SEPTIN6: variants seen among roughly 807,000 people sequenced by gnomAD.
SEPTIN6 encodes the protein septin-6.
A neutral mutation model predicts 33.6 loss-of-function variants in SEPTIN6; 8 were observed. That is an observed-to-expected ratio of 0.24 (90% CI 0.14 to 0.43). The LOEUF is 0.43. Ranked by LOEUF, SEPTIN6 falls within the 20% of genes least tolerant of loss-of-function variation. The pLI is 1.00. For synonymous variants in SEPTIN6, 131 were observed against 140.0 expected (o/e 0.94, Z 0.45); for missense variants, 250 against 340.8 (o/e 0.73, Z 2.10).
intron 9 of SEPTIN6, chrX:119,629,067 T>G (rs1204982979): frequency 2.9e-6 from 1 of 343,660 alleles, no homozygotes; most frequent in Non-Finnish European, 5.1e-6. Context: ...TGCAGGGCTT[T>G]CCTGAGCAAG....
chrX:119,661,532 C>T (rs774954151), intron 3 of SEPTIN6, among the ~76,000 whole-genome samples: 2 of 112,260 alleles, frequency 1.8e-5, no homozygotes, highest in African/African-American at 6.5e-5. Flanking sequence ...AAGAATTTGA[C>T]ATAAAGTTCA....
intron 5 of SEPTIN6, among the ~76,000 whole-genome samples, chrX:119,649,275 G>A (rs2054314120): frequency 9.3e-6 from 1 of 107,217 alleles, no homozygotes; most frequent in South Asian, 4.2e-4. Flanking sequence ...GTATTTTTTA[G>A]TAGAGACGGG....
chrX:119,620,020 C>T lies in SEPTIN6; in HGVS notation c.*73G>A, dbSNP rs751811611. On this transcript the variant is annotated 3_prime_UTR_variant, in exon 11 of 11. Coordinates refer to ENST00000394610, the MANE Select transcript of SEPTIN6 (RefSeq NM_145799.4). The stretch of plus-strand genomic sequence containing the variant: ...GAGAAAGGGAGGCCCAGCTCTGTTG[C>T]GCAGGAAAAGGGTGTCTACAGGAAG... The T allele has an allele frequency of 1.3e-5, 16 of 1,202,834 alleles. No individual in the cohort carries two copies. The highest frequency in any genetic ancestry group is 2.2e-5 in the Admixed American group (1 of 44,972).
chrX:119,665,479 T>C (rs1354780899), intron 2 of SEPTIN6, among the ~76,000 whole-genome samples: 1 of 111,964 alleles, frequency 8.9e-6, no homozygotes, highest in Non-Finnish European at 1.9e-5. Flanking sequence ...TAAGTCAAAC[T>C]GTTGGAATTT....
chrX:119,624,173 G>GTTTTTTTTTTTTTTTTT, intron 10 of SEPTIN6: 1 of 195,775 alleles, frequency 5.1e-6, no homozygotes, highest in Admixed American at 5.6e-5. Context: ...TTTTTTGTTT[G>GTTTTTTTTTTTTTTTTT]TTTGTTTGTT....
At chrX:119,626,255 G>C (rs976996235) in intron 9 of SEPTIN6, among the ~76,000 whole-genome samples, 1 of 111,736 alleles carries the variant, frequency 8.9e-6, no homozygotes, top group Non-Finnish European at 1.9e-5. Context: ...TCCTGCCTGG[G>C]GTGGGAGAAG....
At chrX:119,639,629 A>C (rs1228343605) in intron 6 of SEPTIN6, among the ~76,000 whole-genome samples, 3 of 110,829 alleles carry the variant, frequency 2.7e-5, no homozygotes, top group Non-Finnish European at 3.8e-5. Context: ...TCCCAATCTC[A>C]TCCCCCTCTA....
intron 1 of SEPTIN6, among the ~76,000 whole-genome samples, chrX:119,687,719 C>T (rs985502133): frequency 3.6e-5 from 4 of 112,206 alleles, no homozygotes; most frequent in African/African-American, 1.3e-4. Context: ...TCCTAATTGG[C>T]TTTGCTCAGG....
Position 119,617,013 on chromosome X carries a change from A to ATG in SEPTIN6, c.*3079_*3080insCA. 2 of 974,793 alleles carry ATG rather than the reference A, an allele frequency of 2.1e-6. No homozygotes were observed. The highest frequency in any genetic ancestry group is 2.6e-6 in the Non-Finnish European group (2 of 774,853). 80.3% of individuals were successfully genotyped at this position (974,793 alleles called of 1,213,427 possible). A position where few individuals can be genotyped will look rare whatever the true frequency, so the allele number is the denominator to read the frequency against. ...GCCACATGTGAATGCCAAATGATTAAAACAAAAAAACAAAAACAAGAGCCA... is the reference window on the plus strand; with the variant it reads ...GCCACATGTGAATGCCAAATGATTAATGAACAAAAAAACAAAAACAAGAGCCA... On this transcript the variant is annotated 3_prime_UTR_variant, in exon 11 of 11. Transcript: ENST00000394610.
At chrX:119,660,551 C>T (rs749231821) in intron 3 of SEPTIN6, among the ~76,000 whole-genome samples, 9 of 112,089 alleles carry the variant, frequency 8.0e-5, no homozygotes, top group Non-Finnish European at 1.7e-4. Flanking sequence ...CCATTATTAT[C>T]AAGGCATTGT....
intron 10 of SEPTIN6, among the ~76,000 whole-genome samples, chrX:119,620,739 G>A (rs2053741465): frequency 9.1e-6 from 1 of 110,475 alleles, no homozygotes; most frequent in Admixed American, 9.7e-5. Context: ...TCCTGCCTCA[G>A]CCTCCTGAGT....
chrX:119,643,147 G>A (rs890032011), intron 5 of SEPTIN6, among the ~76,000 whole-genome samples: 2 of 110,715 alleles, frequency 1.8e-5, no homozygotes, highest in African/African-American at 6.6e-5. Context: ...CCTACTCAGG[G>A]ACCTAAGACA....
At chrX:119,686,738 G>T in intron 1 of SEPTIN6, 1 of 399,613 alleles carries the variant, frequency 2.5e-6, no homozygotes, top group South Asian at 3.0e-5. Flanking sequence ...ATGGCTGGTG[G>T]CTCCAAGATT....
chrX:119,670,457 A>G (rs1168903814), intron 2 of SEPTIN6, among the ~76,000 whole-genome samples: 1 of 105,068 alleles, frequency 9.5e-6, no homozygotes, highest in Non-Finnish European at 1.9e-5. Flanking sequence ...AGTACTAGGG[A>G]GGCTGAAGCA....
chrX:119,692,909 A>T (rs2055203211), intron 1 of SEPTIN6, among the ~76,000 whole-genome samples, 167 bp downstream of exon 1: 1 of 112,184 alleles, frequency 8.9e-6, no homozygotes, highest in African/African-American at 3.2e-5. Flanking sequence ...GTTTTCCGGG[A>T]CAGGCTGAGG....
At chrX:119,623,712 G>GCA in intron 10 of SEPTIN6, among the ~76,000 whole-genome samples, 1 of 111,570 alleles carries the variant, frequency 9.0e-6, no homozygotes, top group Non-Finnish European at 1.9e-5. Context: ...GGTGGCACAT[G>GCA]CCTATAATCC....
chrX:119,672,081 G>A (rs985609088), intron 2 of SEPTIN6, among the ~76,000 whole-genome samples: 4 of 112,085 alleles, frequency 3.6e-5, no homozygotes, highest in East Asian at 2.8e-4. Context: ...GGCAGGATGC[G>A]TGCATTGCAG....
chrX:119,686,236 G>GA (rs900892110), intron 1 of SEPTIN6, among the ~76,000 whole-genome samples: 1 of 111,991 alleles, frequency 8.9e-6, no homozygotes, highest in Non-Finnish European at 1.9e-5. Flanking sequence ...ATGGGGATCT[G>GA]AAAAAAACCC....
chrX:119,693,038 C>T, intron 1 of SEPTIN6, 38 bp downstream of exon 1: 2 of 1,164,459 alleles, frequency 1.7e-6, no homozygotes, highest in Non-Finnish European at 2.3e-6. Flanking sequence ...CTCACCAGGC[C>T]CTCGGCCCCG....
Sources: allele counts gnomAD v4.1 joint callset (sites outside exome capture counted in the v4.1 genomes callset), GRCh38; gene constraint gnomAD v4.1.1; transcripts MANE v1.5; gene names NCBI Gene and HGNC (gene_info 2026-07-23, HGNC 2026-07-21).